Variants in ANKRD54 observed in about 807,000 individuals in gnomAD.
ANKRD54 encodes ankyrin repeat domain 54.
A neutral mutation model predicts 36.2 loss-of-function variants in ANKRD54; 26 were observed. The ratio of observed to expected loss-of-function variants is 0.72; its 90% CI spans 0.53 to 1.00. ANKRD54 has a LOEUF of 1.00. Among genes scored for constraint, ANKRD54 ranks in the 50% least tolerant of loss-of-function variants. The probability of loss-of-function intolerance (pLI) is 0.00; values close to 1 mark genes in which losing one functional copy is unlikely to be tolerated. For missense variants in ANKRD54, 384 were observed against 424.3 expected (o/e 0.91, Z 0.83); for synonymous variants, 209 against 188.4 (o/e 1.11, Z -0.89).
intron 4 of ANKRD54, among the ~76,000 whole-genome samples, chr22:37,833,417 T>C (rs1923147246): frequency 6.6e-6 from 1 of 152,168 alleles, no homozygotes; most frequent in Non-Finnish European, 1.5e-5. Context: ...GGAGATAGGA[T>C]CTGCCTCAGT....
rs1328990314 is a variant in ANKRD54, at chr22:37,844,133, G to A, written c.106C>T (p.Leu36Phe). The change falls in exon 1 of 8, where the codon CTC (leucine) becomes TTC (phenylalanine). Residue 36 changes from leucine (L) to phenylalanine (F), a missense_variant. Transcript: ENST00000215941. ...APEPLTDAEG[L>F]FSFADFGSAL... is the part of the protein sequence containing the mutation. ...GACCCGAAGTCAGCGAAGGAGAAGA[G>A]GCCCTCAGCGTCAGTCAGCGGCTCC... 1.3e-6 allele frequency: 2 copies of A among 1,494,914 alleles called. No homozygotes were observed. Among genetic ancestry groups the A allele is most frequent in the African/African-American group, 1.5e-5 (1 of 68,548 alleles). The allele number at this position is 1,494,914 out of a possible 1,614,324, so 92.6% of individuals were successfully genotyped here.
chr22:37,847,104 CG>C (rs1924880230), upstream of ANKRD54, among the ~76,000 whole-genome samples: 1 of 151,376 alleles, frequency 6.6e-6, no homozygotes, highest in African/African-American at 2.4e-5. Flanking sequence ...CCACCCGCCT[CG>C]GCCTCCCAAA....
chr22:37,849,323 G>C (rs781451754), upstream of ANKRD54: 24 of 1,153,180 alleles, frequency 2.1e-5, no homozygotes, highest in African/African-American at 1.7e-4. Context: ...TGTCTCAGAT[G>C]GCCAGAGGCC....
upstream of ANKRD54, chr22:37,849,258 G>T: frequency 1.5e-6 from 1 of 668,668 alleles, no homozygotes; most frequent in Non-Finnish European, 2.7e-6. Context: ...TCCCAAACTG[G>T]TGGGGTTACA....
At chr22:37,841,631 C>T (rs996533810) in intron 1 of ANKRD54, among the ~76,000 whole-genome samples, 19 of 151,400 alleles carry the variant, frequency 1.3e-4, no homozygotes, top group Non-Finnish European at 2.4e-4. Flanking sequence ...GGGTGGATCA[C>T]GAGGTCAGGA....
intron 1 of ANKRD54, among the ~76,000 whole-genome samples, chr22:37,840,516 G>A (rs1266603718): frequency 1.3e-5 from 2 of 152,194 alleles, no homozygotes; most frequent in South Asian, 2.1e-4. Flanking sequence ...CAGAGATCGC[G>A]CCACTGCACT....
At position 37,831,538 on chromosome 22, in the gene ANKRD54, C is replaced by T. The variant is rs1922877049; in HGVS notation, c.*405G>A. The T allele has an allele frequency of 5.2e-6, 1 of 192,046 alleles. No individual in the cohort carries two copies. Among genetic ancestry groups the T allele is most frequent in the Admixed American group, 5.4e-5 (1 of 18,488 alleles). 11.9% of individuals were successfully genotyped at this position (192,046 alleles called of 1,614,324 possible). ...GTACCCCTGGCCACAGGGTGCCCGC[C>T]TAAGCCCACACCTGCTGACTGCAAC... On this transcript the variant is annotated 3_prime_UTR_variant, in exon 8 of 8. Transcript: ENST00000215941.
At chr22:37,839,170 C>G (rs900832939) in intron 2 of ANKRD54, among the ~76,000 whole-genome samples, 1 of 151,682 alleles carries the variant, frequency 6.6e-6, no homozygotes, top group African/African-American at 2.4e-5. Flanking sequence ...CCACCACACC[C>G]GGCCCGAAAA....
In ANKRD54 at chr22:37,838,574, G is replaced by T. The variant is rs375913161; in HGVS notation, c.401C>A (p.Ala134Glu). 6.2e-7 allele frequency: 1 copy of T among 1,611,110 alleles called. No homozygotes were observed. The highest frequency in any genetic ancestry group is 1.3e-5 in the African/African-American group (1 of 74,820). The change falls in exon 3 of 8, where the codon GCG (alanine) becomes GAG (glutamate). Residue 134 changes from alanine (A) to glutamate (E), a missense_variant. Transcript: ENST00000215941. ...ETVQQLLEDG[A>E]DPCAADDKGR... ...CTTGTCATCAGCTGCACAGGGATCCGCGCCATCTTCCAGCAGCTGCTGCAC... is the reference window on the plus strand; with the variant it reads ...CTTGTCATCAGCTGCACAGGGATCCTCGCCATCTTCCAGCAGCTGCTGCAC...
intron 3 of ANKRD54, chr22:37,833,982 G>C (rs182165861): frequency 1.9e-6 from 1 of 528,294 alleles, no homozygotes; most frequent in East Asian, 3.0e-5. Flanking sequence ...CTTGGCCTAT[G>C]CAGGTGTAGG....
chr22:37,835,805 C>G (rs577666451), intron 3 of ANKRD54, among the ~76,000 whole-genome samples: 1 of 151,468 alleles, frequency 6.6e-6, no homozygotes, highest in South Asian at 2.1e-4. Flanking sequence ...GACTTTGTCT[C>G]AAAAAAAGAA....
intron 7 of ANKRD54, among the ~76,000 whole-genome samples, chr22:37,832,268 AAG>A (rs1391369359): frequency 1.3e-5 from 2 of 151,980 alleles, no homozygotes; most frequent in Non-Finnish European, 2.9e-5. Flanking sequence ...GGAGGCTTTG[AAG>A]CCTGCAACCC....
upstream of ANKRD54, chr22:37,847,812 CT>C (rs777752913): frequency 2.3e-6 from 1 of 431,202 alleles, no homozygotes; most frequent in South Asian, 1.8e-5. Flanking sequence ...TGTGTCACCT[CT>C]GGTGACAGCA....
At chr22:37,841,650 C>A (rs1334949873) in intron 1 of ANKRD54, among the ~76,000 whole-genome samples, 1 of 151,878 alleles carries the variant, frequency 6.6e-6, no homozygotes, top group East Asian at 1.9e-4. Context: ...GAGTTTGAGA[C>A]CAGCCTGGCC....
intron 3 of ANKRD54, chr22:37,834,580 C>T (rs567760277): frequency 6.6e-6 from 1 of 151,222 alleles, no homozygotes; most frequent in African/African-American, 2.4e-5. Context: ...GACTTGTAGT[C>T]CCAGCTACTT....
intron 7 of ANKRD54, 117 bp downstream of exon 7, chr22:37,832,520 G>A (rs749537422): frequency 3.8e-5 from 34 of 898,292 alleles, no homozygotes; most frequent in African/African-American, 1.2e-4. Context: ...GAGCCCCTGC[G>A]GCTGGCCCCA....
At chr22:37,845,600 G>A (rs1168141558), upstream of ANKRD54, among the ~76,000 whole-genome samples, 2 of 152,206 alleles carry the variant, frequency 1.3e-5, no homozygotes, top group Non-Finnish European at 1.5e-5. Flanking sequence ...TTTCCGCACG[G>A]TGGGTCACGC....
At chr22:37,844,418 T>C (rs770690060), upstream of ANKRD54, 1 of 586,658 alleles carries the variant, frequency 1.7e-6, no homozygotes, top group Middle Eastern at 2.7e-4. Flanking sequence ...ATGACTACCC[T>C]TCCAGCTTAA....
Position 37,831,697 on chromosome 22 carries a change from G to A in ANKRD54, c.*246C>T. On this transcript the variant is annotated 3_prime_UTR_variant, in exon 8 of 8. Transcript: ENST00000215941. ...AAGTGCAGCTGCAGAGGCTGGTCTG[G>A]TGCTGCGAGAACTGGAAGAAGCTGG... The A allele has an allele frequency of 5.4e-6, 3 of 557,484 alleles. No homozygotes were observed. Among genetic ancestry groups the A allele is most frequent in the Non-Finnish European group, 9.7e-6 (3 of 310,206 alleles). The allele number at this position is 557,484 out of a possible 1,614,324, so 34.5% of individuals were successfully genotyped here.
Sources: gnomAD v4.1 joint callset for allele counts (sites outside exome capture counted in the v4.1 genomes callset) on GRCh38, gnomAD v4.1.1 for gene constraint, MANE v1.5 for transcripts, NCBI Gene and HGNC (gene_info 2026-07-23, HGNC 2026-07-21) for gene names.